ADSL: variants seen among roughly 807,000 people sequenced by gnomAD.
ADSL encodes adenylosuccinase.
In ADSL, 44 loss-of-function variants were observed where a neutral mutation model predicts 62.1. The observed-to-expected ratio is 0.71, with a 90% CI of 0.56 to 0.91. ADSL has a LOEUF of 0.91. ADSL is among the 40% of genes least tolerant of loss of function. ADSL has a pLI of 0.00. For missense variants in ADSL, 531 were observed against 627.4 expected (o/e 0.85, Z 1.64); for synonymous variants, 198 against 220.5 (o/e 0.90, Z 0.90).
Position 40,361,362 on chromosome 22 carries a change from C to T in ADSL, c.862+20C>T, listed in dbSNP as rs1249228624. 4 of 1,613,700 alleles carry T rather than the reference C, an allele frequency of 2.5e-6. 1 individual carries two copies. The South Asian group carries it at 4.4e-5, about 18-fold the overall frequency. ...AGATTGGTGAGTGCTGTGTAGAGAC[C>T]TGTGAGCACACATTGCTGCTGGAAG... On this transcript the variant is annotated intron_variant, in intron 8 of 12. Transcript: ENST00000623063.
rs2146653850 is a variant in ADSL at position 40,358,971 on chromosome 22, G to A, written c.590G>A (p.Gly197Glu). Residue 197 changes from glycine to glutamate, a missense_variant, in exon 5 of 13, where the codon GGA becomes GAA. Around this residue, in one of 2 missense-constraint regions of ADSL, gnomAD observed 471 missense variants for 592.9 expected, o/e 0.79. Transcript: ENST00000623063. ...GTCCGAGATGACCTGCGCTTCCGGG[G>A]AGTAAAGGGTACCACTGGCACTCAG... ...KRVRDDLRFR[G>E]VKGTTGTQAS... 6.2e-7 allele frequency: 1 copy of A among 1,614,168 alleles called. No individual in the cohort carries two copies. Among genetic ancestry groups the A allele is most frequent in the African/African-American group, 1.3e-5 (1 of 75,036 alleles).
chr22:40,376,122 G>A (rs1394947897), intron 2 of ADSL: 3 of 135,616 alleles, frequency 2.2e-5, no homozygotes, highest in Admixed American at 1.5e-4. Context: ...TTTGAGTTTC[G>A]TTTGTAAATA....
At chr22:40,382,246 A>C (rs1404151417) in intron 2 of ADSL, among the ~76,000 whole-genome samples, 1 of 152,204 alleles carries the variant, frequency 6.6e-6, no homozygotes, top group African/African-American at 2.4e-5. Flanking sequence ...CAGTTCTTCC[A>C]TTTATCTATT....
chr22:40,355,552 C>A (rs1268821820), intron 4 of ADSL, among the ~76,000 whole-genome samples: 4 of 152,170 alleles, frequency 2.6e-5, no homozygotes, highest in Non-Finnish European at 5.9e-5. Flanking sequence ...ATCAGAACTT[C>A]GGTTCTTTTT....
intron 2 of ADSL, among the ~76,000 whole-genome samples, chr22:40,383,176 C>A (rs1446363761): frequency 6.6e-6 from 1 of 152,090 alleles, no homozygotes; most frequent in African/African-American, 2.4e-5. Context: ...AGATAGAAGT[C>A]AGTAGGAACG....
chr22:40,355,070 A>G (rs1446187126), intron 4 of ADSL, among the ~76,000 whole-genome samples: 1 of 152,178 alleles, frequency 6.6e-6, no homozygotes, highest in African/African-American at 2.4e-5. Context: ...AAAGTACACC[A>G]TGATGTAAAT....
intron 2 of ADSL, among the ~76,000 whole-genome samples, chr22:40,382,463 C>A (rs551645199): frequency 6.6e-6 from 1 of 152,270 alleles, no homozygotes; most frequent in African/African-American, 2.4e-5. Flanking sequence ...CCACCTGGGA[C>A]TGTTGGCCGG....
Position 40,369,131 on chromosome 22 carries a change from A to ACATTTCCT in ADSL, c.*2613_*2620dup, listed in dbSNP as rs2146685611. ...TAGGATACCATGGATTTTAGTTAAT[A>ACATTTCCT]CATTTCCTCATAGAAAATAAGGAAA... On this transcript the variant is annotated 3_prime_UTR_variant, in exon 13 of 13. Coordinates refer to ENST00000623063, the MANE Select transcript of ADSL (RefSeq NM_000026.4). 6.6e-6 allele frequency: 1 copy of ACATTTCCT among 152,310 alleles called. No individual in the cohort carries two copies. Among genetic ancestry groups the ACATTTCCT allele is most frequent in the South Asian group, 2.1e-4 (1 of 4,820 alleles). The allele number at this position is 152,310 out of a possible 1,614,324, so 9.4% of individuals were successfully genotyped here. A position where few individuals can be genotyped will look rare whatever the true frequency, so the allele number is the denominator to read the frequency against.
At chr22:40,377,862 A>T (rs1295554785) in intron 2 of ADSL, among the ~76,000 whole-genome samples, 1 of 151,840 alleles carries the variant, frequency 6.6e-6, no homozygotes, top group African/African-American at 2.4e-5. Flanking sequence ...AAAAAAAAAA[A>T]AGTTAAAATA....
intron 3 of ADSL, chr22:40,353,808 A>G (rs558677130): frequency 2.6e-5 from 7 of 268,356 alleles, no homozygotes; most frequent in Non-Finnish European, 4.3e-5. Context: ...TTGTATTTTT[A>G]GTAGAGACGG....
In ADSL at chr22:40,364,611, G is replaced by A. The variant is rs2044928867; in HGVS notation, c.1191+246G>A. Reference sequence around the variant, plus strand: ...GTGAAGGAATGAGGTCTGACATTCTGTAGGAAATGAGCAGGAAACGAGCAA... The same window carrying A: ...GTGAAGGAATGAGGTCTGACATTCTATAGGAAATGAGCAGGAAACGAGCAA... On this transcript the variant is annotated intron_variant, in intron 11 of 12. Transcript: ENST00000623063. The A allele has an allele frequency of 4.8e-6, 3 of 630,124 alleles. 1 individual carries two copies. The South Asian group carries it at 5.5e-5, about 12-fold the overall frequency. 39.0% of individuals were successfully genotyped at this position (630,124 alleles called of 1,614,324 possible). A position where few individuals can be genotyped will look rare whatever the true frequency, so the allele number is the denominator to read the frequency against.
chr22:40,353,334 G>A (rs1459266851), intron 3 of ADSL: 1 of 703,336 alleles, frequency 1.4e-6, no homozygotes, highest in African/African-American at 1.7e-5. Context: ...TTGAGCCAGA[G>A]TCTCATTCTG....
At chr22:40,382,711 A>C (rs1383067090) in intron 2 of ADSL, among the ~76,000 whole-genome samples, 1 of 152,242 alleles carries the variant, frequency 6.6e-6, no homozygotes, top group Non-Finnish European at 1.5e-5. Context: ...AAGTTTCGTC[A>C]CATTTGAAGA....
intron 2 of ADSL, among the ~76,000 whole-genome samples, chr22:40,383,083 T>A (rs557263506): frequency 6.6e-6 from 1 of 152,308 alleles, no homozygotes; most frequent in South Asian, 2.1e-4. Flanking sequence ...ATTAAATCCC[T>A]AAGTACTGTA....
At chr22:40,353,292 C>A in intron 3 of ADSL, 175 bp downstream of exon 3, 2 of 708,304 alleles carry the variant, frequency 2.8e-6, no homozygotes, top group Non-Finnish European at 2.6e-6. Context: ...CTCCTTTCTT[C>A]TTCTCTTCCT....
intron 2 of ADSL, among the ~76,000 whole-genome samples, chr22:40,379,799 C>G (rs1411683302): frequency 6.6e-6 from 1 of 152,118 alleles, no homozygotes; most frequent in African/African-American, 2.4e-5. Context: ...ACCTCCACCT[C>G]CCAGGCCCAA....
chr22:40,356,827 G>T (rs2044578842), intron 4 of ADSL, among the ~76,000 whole-genome samples: 1 of 152,188 alleles, frequency 6.6e-6, no homozygotes, highest in Non-Finnish European at 1.5e-5. Context: ...TGGGGTGACA[G>T]AGTGAGACCC....
At chr22:40,362,841 C>T (rs987442085) in intron 9 of ADSL, 140 bp from the exon 10 acceptor site, 26 of 841,216 alleles carry the variant, frequency 3.1e-5, no homozygotes, top group Non-Finnish European at 3.4e-5. Flanking sequence ...ATTTGAGGGT[C>T]GTGAGGTTAT....
intron 12 of ADSL, 89 bp from the exon 13 acceptor site, chr22:40,366,347 T>C (rs1050711296): frequency 1.1e-6 from 1 of 942,506 alleles, no homozygotes; most frequent in African/African-American, 1.6e-5. Context: ...TCAAATTAGG[T>C]TTCAGTGGTA....
Sources: allele counts gnomAD v4.1 joint callset (sites outside exome capture counted in the v4.1 genomes callset), GRCh38; gene constraint gnomAD v4.1.1; regional missense constraint gnomAD v4.1.1; transcripts MANE v1.5; gene names NCBI Gene and HGNC (gene_info 2026-07-23, HGNC 2026-07-21).